The following STAB2 variants were observed in gnomAD, a reference collection of about 807,000 sequenced individuals.
The protein encoded by STAB2 is stabilin-2.
STAB2 carries 288 observed loss-of-function variants against 338.1 expected under a neutral mutation model. The observed-to-expected ratio is 0.85, with a 90% CI of 0.77 to 0.94. STAB2 has a LOEUF of 0.94. Among genes scored for constraint, STAB2 ranks in the 40% least tolerant of loss-of-function variants. STAB2 has a pLI of 0.00. For missense variants in STAB2, 3,141 were observed against 3,210.1 expected (o/e 0.98, Z 0.52); for synonymous variants, 1,202 against 1,193.3 (o/e 1.01, Z -0.15).
In STAB2 at chr12:103,594,417, T is replaced by C. The variant is rs1193994666; in HGVS notation, c.238T>C (p.Tyr80His). The change falls in exon 3 of 69, where the codon TAC becomes CAC. Residue 80 changes from tyrosine (Y) to histidine (H), a missense_variant. Physicochemically the swap from Tyr to His is moderately conservative, Grantham distance 83 (BLOSUM62 2). Transcript: ENST00000388887. ...DCRYTFEVRTYSLSLPGCRHI... is the reference protein window; with the variant it reads ...DCRYTFEVRTHSLSLPGCRHI... ...AAGGTACACCTTTGAGGTCAGAACA[T>C]ACTCTCTGTCTCTCCCCGGATGCCG... The C allele has an allele frequency of 3.7e-6, 6 of 1,613,738 alleles. No individual in the cohort carries two copies. The South Asian group carries it at 6.6e-5, about 18-fold the overall frequency.
chr12:103,731,945 C>T (rs567411440), intron 50 of STAB2, among the ~76,000 whole-genome samples: 2 of 152,266 alleles, frequency 1.3e-5, no homozygotes, highest in South Asian at 4.2e-4. Context: ...TTATCAACTC[C>T]ATTATAAAGA....
intron 25 of STAB2, among the ~76,000 whole-genome samples, chr12:103,678,833 A>G (rs1318179919): frequency 6.6e-6 from 1 of 151,970 alleles, no homozygotes; most frequent in East Asian, 2.0e-4. Context: ...TGCCCAGCCA[A>G]TCTTCCTTAT....
intron 59 of STAB2, among the ~76,000 whole-genome samples, chr12:103,749,611 C>G (rs1373715048): frequency 6.6e-6 from 1 of 150,696 alleles, no homozygotes; most frequent in Non-Finnish European, 1.5e-5. Context: ...AGATGGATCA[C>G]GAGGTCAGGA....
intron 3 of STAB2, among the ~76,000 whole-genome samples, chr12:103,610,069 T>A (rs965935880): frequency 6.6e-6 from 1 of 152,132 alleles, no homozygotes; most frequent in Admixed American, 6.5e-5. Flanking sequence ...CTTTTTGATG[T>A]GTTGCTGGAT....
At chr12:103,654,308 C>A (rs531716955) in intron 12 of STAB2, among the ~76,000 whole-genome samples, 1 of 152,316 alleles carries the variant, frequency 6.6e-6, no homozygotes, top group Admixed American at 6.5e-5. Flanking sequence ...CTTGATAATA[C>A]CTTGCCCAGG....
intron 15 of STAB2, among the ~76,000 whole-genome samples, chr12:103,660,013 T>G (rs1874474199): frequency 6.6e-6 from 1 of 152,146 alleles, no homozygotes. Flanking sequence ...ATATCCTGAG[T>G]TAGTTTTTTG....
At chr12:103,740,811 C>T (rs1054517865) in intron 55 of STAB2, 55 bp downstream of exon 55, 74 of 1,510,144 alleles carry the variant, frequency 4.9e-5, no homozygotes, top group Non-Finnish European at 6.0e-5. Context: ...TGCTCCTGCT[C>T]GTTGTCCAGT....
chr12:103,760,292 G>A (rs578222355), intron 65 of STAB2, among the ~76,000 whole-genome samples: 1 of 152,080 alleles, frequency 6.6e-6, no homozygotes, highest in Non-Finnish European at 1.5e-5. Context: ...ACAGTCTCTC[G>A]CTCTGTCACC....
intron 15 of STAB2, among the ~76,000 whole-genome samples, chr12:103,656,847 C>T (rs374526165): frequency 3.3e-5 from 5 of 150,440 alleles, no homozygotes; most frequent in African/African-American, 7.4e-5. Context: ...CCACCGAGCC[C>T]GGCTAATTTT....
chr12:103,713,842 T>C, intron 42 of STAB2, 74 bp downstream of exon 42: 1 of 1,580,026 alleles, frequency 6.3e-7, no homozygotes, highest in East Asian at 2.3e-5. Flanking sequence ...CCAACGTGTG[T>C]GCCCTGATTA....
intron 3 of STAB2, among the ~76,000 whole-genome samples, chr12:103,598,642 C>T (rs888113325): frequency 4.6e-5 from 7 of 152,016 alleles, no homozygotes; most frequent in African/African-American, 1.2e-4. Context: ...TACACTTTTT[C>T]GTTAAAAATT....
intron 25 of STAB2, among the ~76,000 whole-genome samples, chr12:103,682,698 C>G (rs1877030023): frequency 6.6e-6 from 1 of 152,106 alleles, no homozygotes; most frequent in Non-Finnish European, 1.5e-5. Context: ...GCCTGTAATC[C>G]TAGCACTTTG....
chr12:103,727,190 T>C, intron 46 of STAB2, 77 bp from the exon 47 acceptor site: 2 of 1,489,398 alleles, frequency 1.3e-6, no homozygotes, highest in Middle Eastern at 3.4e-4. Context: ...GGTGCCATCA[T>C]CTCTGGTATT....
intron 3 of STAB2, among the ~76,000 whole-genome samples, chr12:103,619,577 G>A (rs1208640763): frequency 6.6e-6 from 1 of 151,998 alleles, no homozygotes; most frequent in Non-Finnish European, 1.5e-5. Context: ...TTTAGTGAAT[G>A]TCCTCTAATA....
chr12:103,685,284 T>A (rs1013231720), intron 27 of STAB2, among the ~76,000 whole-genome samples, 200 bp downstream of exon 27: 4 of 152,210 alleles, frequency 2.6e-5, no homozygotes, highest in Non-Finnish European at 4.4e-5. Flanking sequence ...TTTGGCAGCT[T>A]CTGTGTACCA....
chr12:103,618,017 A>G (rs1957237602), intron 3 of STAB2, among the ~76,000 whole-genome samples: 1 of 152,220 alleles, frequency 6.6e-6, no homozygotes, highest in Non-Finnish European at 1.5e-5. Context: ...CATGTTATGA[A>G]TGTTCTTCTA....
intron 3 of STAB2, among the ~76,000 whole-genome samples, chr12:103,615,366 G>A (rs1366215557): frequency 6.6e-6 from 1 of 152,170 alleles, no homozygotes. Flanking sequence ...AAAGTTGGAT[G>A]GAAAAGCTTT....
At chr12:103,740,561 C>A in intron 54 of STAB2, 69 bp from the exon 55 acceptor site, 1 of 1,552,242 alleles carries the variant, frequency 6.4e-7, no homozygotes. Flanking sequence ...CATGAGGGCA[C>A]AGACTAGAGC....
chr12:103,593,999 T>C (rs533284952), intron 2 of STAB2, among the ~76,000 whole-genome samples: 3 of 152,330 alleles, frequency 2.0e-5, no homozygotes, highest in South Asian at 2.1e-4. Flanking sequence ...GCCTGAGCAA[T>C]GGGTTTGCTT....
Sources: allele counts gnomAD v4.1 joint callset (sites outside exome capture counted in the v4.1 genomes callset), GRCh38; gene constraint gnomAD v4.1.1; transcripts MANE v1.5; gene names NCBI Gene and HGNC (gene_info 2026-07-23, HGNC 2026-07-21).